The following C9orf85 variants were observed in gnomAD, a reference collection of about 807,000 sequenced individuals.
The protein encoded by C9orf85 is uncharacterized protein C9orf85.
In C9orf85, 16 loss-of-function variants were observed where a neutral mutation model predicts 14.9. That is an observed-to-expected ratio of 1.08 (90% CI 0.73 to 1.63). The LOEUF (loss-of-function observed/expected upper bound fraction) is 1.63. C9orf85 is among the 40% of genes most tolerant of loss of function. The pLI is 0.00. For synonymous variants in C9orf85, 45 were observed against 56.8 expected (o/e 0.79, Z 0.93); for missense variants, 172 against 186.1 (o/e 0.92, Z 0.44).
intron 1 of C9orf85, among the ~76,000 whole-genome samples, chr9:71,922,917 C>CA (rs1827850355): frequency 6.6e-6 from 1 of 152,190 alleles, no homozygotes; most frequent in African/African-American, 2.4e-5. Context: ...ATTACAAGGT[C>CA]AGGAGTTTGA....
At chr9:71,914,161 G>C (rs191382019) in intron 1 of C9orf85, among the ~76,000 whole-genome samples, 2 of 152,094 alleles carry the variant, frequency 1.3e-5, no homozygotes, top group Non-Finnish European at 1.5e-5. Context: ...CTTTACACTG[G>C]AAAGCTATTT....
At chr9:71,914,328 AT>A (rs546012682) in intron 1 of C9orf85, among the ~76,000 whole-genome samples, 1,693 of 144,794 alleles carry the variant, frequency 0.012, 36 homozygotes, top group African/African-American at 0.041. Context: ...TTTTTTTGTG[AT>A]TTTTTTTTTT....
chr9:71,941,231 T>C (rs542438161), intron 1 of C9orf85, among the ~76,000 whole-genome samples: 1 of 152,228 alleles, frequency 6.6e-6, no homozygotes, highest in Non-Finnish European at 1.5e-5. Flanking sequence ...GCAAAGATCA[T>C]GAGTGGATGC....
chr9:71,911,646 G>A lies in C9orf85; in HGVS notation c.-89G>A. 8.8e-7 allele frequency: 1 copy of A among 1,135,686 alleles called. No individual in the cohort carries two copies. Among genetic ancestry groups the A allele is most frequent in the South Asian group, 1.2e-5 (1 of 80,982 alleles). The allele number at this position is 1,135,686 out of a possible 1,614,324, so 70.4% of individuals were successfully genotyped here. A position where few individuals can be genotyped will look rare whatever the true frequency, so the allele number is the denominator to read the frequency against. ...GTTTGTTTCTTCCGGGTCATTGACAGAAGCGTCAATTCCTGGGAGTAGTTC... is the reference window on the plus strand; with the variant it reads ...GTTTGTTTCTTCCGGGTCATTGACAAAAGCGTCAATTCCTGGGAGTAGTTC... On this transcript the variant is annotated 5_prime_UTR_variant, in exon 1 of 4. Transcript: ENST00000334731.
chr9:71,930,630 T>G (rs1217846778), intron 1 of C9orf85, among the ~76,000 whole-genome samples: 1 of 147,470 alleles, frequency 6.8e-6, no homozygotes, highest in Non-Finnish European at 1.5e-5. Context: ...ATAGTGAGAC[T>G]CTGTCTCTAC....
chr9:71,971,678 T>A, intron 3 of C9orf85, 60 bp downstream of exon 3: 1 of 1,197,206 alleles, frequency 8.4e-7, no homozygotes, highest in East Asian at 2.4e-5. Flanking sequence ...GAATTTCTTT[T>A]AAGAGATGAT....
In C9orf85 at chr9:71,930,362, A is replaced by T. The variant is rs1296766395; in HGVS notation, c.103-16644A>T. Among the ~76,000 whole-genome samples, 3 of 152,152 alleles carry T rather than the reference A, an allele frequency of 2.0e-5. No homozygotes were observed. In the East Asian group the frequency reaches 5.8e-4, roughly 29 times the overall value. On this transcript the variant is annotated intron_variant, in intron 1 of 3. Transcript: ENST00000334731. The stretch of plus-strand genomic sequence containing the variant: ...TATAGCTATATTTCCTTTAATTTTC[A>T]TGTGGATATTCTCTGTTGGAAGATA...
chr9:71,939,364 G>A (rs1205849959), intron 1 of C9orf85, among the ~76,000 whole-genome samples: 1 of 151,862 alleles, frequency 6.6e-6, no homozygotes, highest in Non-Finnish European at 1.5e-5. Context: ...TTACTATAGA[G>A]TACAATTCCT....
chr9:71,974,974 T>G (rs1363822387), downstream of C9orf85, among the ~76,000 whole-genome samples: 1 of 152,202 alleles, frequency 6.6e-6, no homozygotes, highest in Non-Finnish European at 1.5e-5. Flanking sequence ...TGGAATGTTA[T>G]TTTAGAAATC....
chr9:71,926,498 TC>T lies in C9orf85; in HGVS notation c.102+14665del, dbSNP rs145912777. Among the ~76,000 whole-genome samples the T allele has an allele frequency of 9.4e-3, 1,437 of 152,128 alleles. 25 individuals are homozygous for T. The highest frequency in any genetic ancestry group is 0.033 in the African/African-American group (1,361 of 41,482). On this transcript the variant is annotated intron_variant, in intron 1 of 3. Transcript: ENST00000334731. ...ACCATGAAACGCATGCTAGAAACCCTCCCATGCCCAGTTAAGAGAGGTAATG... is the reference window on the plus strand; with the variant it reads ...ACCATGAAACGCATGCTAGAAACCCTCCATGCCCAGTTAAGAGAGGTAATG...
downstream of C9orf85, chr9:71,973,522 C>G (rs1157408763): frequency 6.6e-6 from 1 of 151,468 alleles, no homozygotes. Context: ...TAATGTTTAA[C>G]AAGCGTATAG....
intron 2 of C9orf85, 49 bp from the exon 3 acceptor site, chr9:71,971,456 T>A: frequency 8.8e-7 from 1 of 1,130,776 alleles, no homozygotes. Flanking sequence ...TTTTATCAAA[T>A]AAGTCTGAAA....
intron 1 of C9orf85, among the ~76,000 whole-genome samples, chr9:71,930,926 G>A (rs973744511): frequency 6.6e-6 from 1 of 151,380 alleles, no homozygotes; most frequent in Non-Finnish European, 1.5e-5. Context: ...TCTGACCTTT[G>A]AACTTATAAC....
chr9:71,982,530 G>A (rs1312366524), intron 3 of C9orf85: 2 of 343,034 alleles, frequency 5.8e-6, no homozygotes, highest in Non-Finnish European at 1.1e-5. Flanking sequence ...CCACACTGAG[G>A]AGGCTCAAGA....
At chr9:71,980,169 A>G (rs1269613972) in intron 3 of C9orf85, among the ~76,000 whole-genome samples, 1 of 151,964 alleles carries the variant, frequency 6.6e-6, no homozygotes, top group Admixed American at 6.6e-5. Flanking sequence ...GCGCGCCACC[A>G]TGCCCGGCTA....
At chr9:71,939,547 C>G (rs1828279478) in intron 1 of C9orf85, among the ~76,000 whole-genome samples, 1 of 152,140 alleles carries the variant, frequency 6.6e-6, no homozygotes, top group African/African-American at 2.4e-5. Flanking sequence ...GATTGATTTA[C>G]AGTTTCAGTG....
At chr9:71,912,148 A>G (rs1827519288) in intron 1 of C9orf85, among the ~76,000 whole-genome samples, 1 of 152,168 alleles carries the variant, frequency 6.6e-6, no homozygotes, top group African/African-American at 2.4e-5. Flanking sequence ...TCACATTAGC[A>G]GAGGGAAACG....
chr9:71,980,463 G>C (rs1046687859), intron 3 of C9orf85, among the ~76,000 whole-genome samples: 1 of 152,116 alleles, frequency 6.6e-6, no homozygotes, highest in African/African-American at 2.4e-5. Context: ...TAGAAAAGAT[G>C]GTCTAGAACA....
At chr9:71,917,539 GA>G (rs1827680272) in intron 1 of C9orf85, among the ~76,000 whole-genome samples, 1 of 152,144 alleles carries the variant, frequency 6.6e-6, no homozygotes, top group Admixed American at 6.5e-5. Flanking sequence ...CAAAAATGGG[GA>G]AAACCTCCAA....
Sources: allele counts gnomAD v4.1 joint callset (sites outside exome capture counted in the v4.1 genomes callset), GRCh38; gene constraint gnomAD v4.1.1; transcripts MANE v1.5; gene names NCBI Gene and HGNC (gene_info 2026-07-23, HGNC 2026-07-21).